Variants in SLC25A12 observed in about 807,000 individuals in gnomAD.
SLC25A12 encodes the protein solute carrier family 25 member 12.
In SLC25A12, 32 loss-of-function variants were observed where a neutral mutation model predicts 83.3. The observed-to-expected ratio is 0.38, with a 90% confidence interval of 0.29 to 0.52. The LOEUF is 0.52. Among genes scored for constraint, SLC25A12 ranks in the 20% least tolerant of loss-of-function variants. SLC25A12 has a pLI of 0.84. For missense variants in SLC25A12, 611 were observed against 835.6 expected (o/e 0.73, Z 3.31); for synonymous variants, 267 against 291.1 (o/e 0.92, Z 0.84).
At chr2:171,843,925 A>T (rs1684736989) in intron 5 of SLC25A12, among the ~76,000 whole-genome samples, 1 of 150,650 alleles carries the variant, frequency 6.6e-6, no homozygotes. Context: ...CCTCCCAAGT[A>T]GCTAGGACTA....
intron 13 of SLC25A12, among the ~76,000 whole-genome samples, chr2:171,805,116 T>G (rs1050337097): frequency 1.3e-4 from 1 of 7,724 alleles, no homozygotes; most frequent in African/African-American, 1.8e-4. Flanking sequence ...TGTTTTTTGT[T>G]TTTTTTTTTT....
chr2:171,884,776 C>T (rs1475252148), intron 2 of SLC25A12, among the ~76,000 whole-genome samples: 1 of 151,082 alleles, frequency 6.6e-6, no homozygotes, highest in Admixed American at 6.6e-5. Context: ...ACTCTGTCCC[C>T]CACCAAAAAA....
chr2:171,819,432 A>G (rs1346870840), intron 9 of SLC25A12, among the ~76,000 whole-genome samples: 1 of 90,852 alleles, frequency 1.1e-5, no homozygotes, highest in Non-Finnish European at 2.2e-5. Context: ...TATATACATA[A>G]TAATATATAA....
At chr2:171,807,377 T>A (rs890956693) in intron 13 of SLC25A12, among the ~76,000 whole-genome samples, 1 of 152,236 alleles carries the variant, frequency 6.6e-6, no homozygotes, top group African/African-American at 2.4e-5. Flanking sequence ...TTCCTAAAGT[T>A]CAAACCTATA....
chr2:171,873,277 T>A (rs1000679801), intron 2 of SLC25A12, among the ~76,000 whole-genome samples: 1 of 151,994 alleles, frequency 6.6e-6, no homozygotes, highest in Admixed American at 6.6e-5. Flanking sequence ...TGAAACCCCA[T>A]CTCTACTAAA....
chr2:171,851,194 T>C (rs536438452), intron 4 of SLC25A12, among the ~76,000 whole-genome samples: 1 of 151,692 alleles, frequency 6.6e-6, no homozygotes, highest in Non-Finnish European at 1.5e-5. Flanking sequence ...GGTTTTTTCT[T>C]GTTTGTTTTT....
chr2:171,868,792 T>C lies in SLC25A12; in HGVS notation c.98A>G (p.Tyr33Cys), dbSNP rs746828383. 6 of 1,612,524 alleles carry C rather than the reference T, an allele frequency of 3.7e-6. No homozygotes were observed. In the South Asian group the frequency reaches 6.6e-5, roughly 18 times the overall value. ...CTGAACAAAGTCTTCTGGGGTCATA[T>C]AACGCTCTCCATCAACCTCAGTACT... ...YASTEVDGER[Y>C]MTPEDFVQRY... Residue 33 changes from tyrosine to cysteine, a missense_variant, in exon 3 of 18, where the codon TAT (tyrosine) becomes TGT (cysteine). Coordinates refer to ENST00000422440, the MANE Select transcript of SLC25A12 (RefSeq NM_003705.5).
chr2:171,837,029 G>T, intron 6 of SLC25A12, 92 bp downstream of exon 6: 2 of 1,207,018 alleles, frequency 1.7e-6, no homozygotes, highest in Non-Finnish European at 2.4e-6. Flanking sequence ...TTGAATAGTT[G>T]AGAGTCATAT....
intron 13 of SLC25A12, among the ~76,000 whole-genome samples, chr2:171,795,679 AC>A (rs1205007782): frequency 6.6e-6 from 1 of 152,204 alleles, no homozygotes. Flanking sequence ...TTAAATGTGG[AC>A]ATTATGTTTA....
intron 9 of SLC25A12, among the ~76,000 whole-genome samples, chr2:171,820,726 T>TC (rs1684171062): frequency 3.3e-5 from 1 of 30,504 alleles, no homozygotes; most frequent in Non-Finnish European, 1.2e-4. Flanking sequence ...AGACTCCGTC[T>TC]CAAAAAAAAA....
chr2:171,852,732 T>C (rs1315115762), intron 4 of SLC25A12: 1 of 450,924 alleles, frequency 2.2e-6, no homozygotes, highest in Non-Finnish European at 4.4e-6. Context: ...TATGCATAAA[T>C]TCTGTAGTCT....
intron 1 of SLC25A12, 144 bp from the exon 2 acceptor site, chr2:171,893,402 A>C (rs1046691504): frequency 1.3e-6 from 1 of 768,812 alleles, no homozygotes; most frequent in East Asian, 2.6e-5. Flanking sequence ...CTAATTGCTG[A>C]TAAGAACTGT....
chr2:171,850,705 C>A (rs902180454), intron 4 of SLC25A12, among the ~76,000 whole-genome samples: 1 of 152,096 alleles, frequency 6.6e-6, no homozygotes, highest in Non-Finnish European at 1.5e-5. Context: ...AGGTGATCCT[C>A]CCGCCTCGGC....
intron 2 of SLC25A12, among the ~76,000 whole-genome samples, chr2:171,885,268 C>A (rs1376487635): frequency 6.6e-6 from 1 of 151,120 alleles, no homozygotes; most frequent in Non-Finnish European, 1.5e-5. Context: ...TTTTTCAATC[C>A]TTCTGCTTGA....
At chr2:171,874,346 T>G (rs567356198) in intron 2 of SLC25A12, among the ~76,000 whole-genome samples, 84 of 152,156 alleles carry the variant, frequency 5.5e-4, no homozygotes, top group African/African-American at 2.0e-3. Context: ...GAGCCGAGAT[T>G]GCACCAATGC....
intron 2 of SLC25A12, among the ~76,000 whole-genome samples, chr2:171,873,037 T>C (rs1685490189): frequency 6.6e-6 from 1 of 152,074 alleles, no homozygotes; most frequent in African/African-American, 2.4e-5. Flanking sequence ...CTACTAAAAG[T>C]TTAAGAAGAA....
intron 4 of SLC25A12, among the ~76,000 whole-genome samples, chr2:171,847,603 G>C (rs938825055): frequency 6.6e-6 from 1 of 152,116 alleles, no homozygotes; most frequent in South Asian, 2.1e-4. Context: ...CCATGTTTAA[G>C]AATGCTATTT....
At chr2:171,825,745 A>G (rs909699063) in intron 9 of SLC25A12, among the ~76,000 whole-genome samples, 1 of 152,166 alleles carries the variant, frequency 6.6e-6, no homozygotes, top group African/African-American at 2.4e-5. Context: ...CCTTACCCAC[A>G]CACAAAAGCA....
intron 2 of SLC25A12, among the ~76,000 whole-genome samples, chr2:171,876,553 G>GA (rs1685578896): frequency 3.8e-5 from 5 of 131,914 alleles, no homozygotes; most frequent in South Asian, 2.6e-4. Context: ...TGGGGGGGGG[G>GA]GGACTCAAGT....
Sources: gnomAD v4.1 joint callset for allele counts (sites outside exome capture counted in the v4.1 genomes callset) on GRCh38, gnomAD v4.1.1 for gene constraint, MANE v1.5 for transcripts, NCBI Gene and HGNC (gene_info 2026-07-23, HGNC 2026-07-21) for gene names.